MGST1: variants seen among roughly 807,000 people sequenced by gnomAD.
MGST1 encodes microsomal glutathione S-transferase 1, also known as glutathione S-transferase 12.
MGST1 carries 5 observed loss-of-function variants against 8.9 expected under a neutral mutation model. The observed-to-expected ratio is 0.56, with a 90% CI of 0.29 to 1.19. MGST1 has a LOEUF of 1.19. Ranked by LOEUF, MGST1 falls within the 50% of genes most tolerant of loss-of-function variation. The pLI, the probability that MGST1 is intolerant of heterozygous loss-of-function variation, is 0.08. For synonymous variants in MGST1, 54 were observed against 67.8 expected (o/e 0.80, Z 1.00); for missense variants, 182 against 187.4 (o/e 0.97, Z 0.17).
intron 4 of MGST1, among the ~76,000 whole-genome samples, chr12:16,540,075 T>G (rs1221686870): frequency 1.3e-5 from 2 of 152,162 alleles, no homozygotes; most frequent in Admixed American, 1.3e-4. Context: ...CTGACACTCT[T>G]AAAGTTGAGC....
intron 4 of MGST1, among the ~76,000 whole-genome samples, chr12:16,475,792 T>C (rs1239962373): frequency 6.6e-6 from 1 of 152,094 alleles, no homozygotes; most frequent in East Asian, 1.9e-4. Context: ...CCTTCCCAGG[T>C]GGCTGATGAA....
intron 4 of MGST1, among the ~76,000 whole-genome samples, chr12:16,563,567 T>A (rs1164799417): frequency 1.3e-5 from 2 of 152,190 alleles, no homozygotes; most frequent in East Asian, 3.9e-4. Flanking sequence ...TGAGTACTCA[T>A]AATCCTGATA....
intron 4 of MGST1, among the ~76,000 whole-genome samples, chr12:16,588,932 C>G (rs147548208): frequency 6.6e-6 from 1 of 152,008 alleles, no homozygotes; most frequent in African/African-American, 2.4e-5. Flanking sequence ...CAATGTGTAC[C>G]GCTCTTTCCC....
chr12:16,387,671 C>A (rs1161987301), intron 1 of MGST1, among the ~76,000 whole-genome samples: 1 of 151,950 alleles, frequency 6.6e-6, no homozygotes, highest in Non-Finnish European at 1.5e-5. Flanking sequence ...GGACTACAGG[C>A]GCCCACCACC....
rs12228417 is a variant in MGST1, at chr12:16,394,506, T to C, written n.778+10902T>C. Among the ~76,000 whole-genome samples, 434 of 55,622 alleles carry C rather than the reference T, an allele frequency of 7.8e-3. 12 individuals carry two copies. Among genetic ancestry groups the C allele is most frequent in the African/African-American group, 0.024 (377 of 15,700 alleles). The allele number at this position is 55,622 out of a possible 152,430, so 36.5% of individuals were successfully genotyped here. On this transcript the variant is annotated intron_variant and non_coding_transcript_variant, in intron 1 of 1. Coordinates refer to the MGST1 transcript ENST00000359720. ...TCTTCCTTTCTTTCTTTCTCTCTCT[T>C]TCTCTCCCTTTCTTTCTTTCTTTCT...
chr12:16,543,421 G>A (rs953063880), intron 4 of MGST1, among the ~76,000 whole-genome samples: 1 of 151,980 alleles, frequency 6.6e-6, no homozygotes, highest in Non-Finnish European at 1.5e-5. Context: ...TGCCTTGTTT[G>A]CTTGTTGAGT....
At position 16,410,658 on chromosome 12, in the gene MGST1, A is replaced by G. The variant is rs1940734689; in HGVS notation, n.779-26730A>G. 6.8e-6 allele frequency among the ~76,000 whole-genome samples: 1 copy of G among 148,144 alleles called. No homozygotes were observed. Among genetic ancestry groups the G allele is most frequent in the South Asian group, 2.1e-4 (1 of 4,810 alleles). On this transcript the variant is annotated intron_variant and non_coding_transcript_variant, in intron 1 of 1. Coordinates refer to the MGST1 transcript ENST00000359720. This position sits in a 1 kb window ranked among gnomAD's most constrained non-coding sequence, Gnocchi z 4.4. ...TATGTAATACATATATTATATATAA[A>G]CATACATAATCAAATATATAATATA... is the stretch of plus-strand genomic sequence containing the variant.
chr12:16,372,443 A>G (rs562543851), intron 3 of MGST1, among the ~76,000 whole-genome samples: 1 of 152,198 alleles, frequency 6.6e-6, no homozygotes, highest in Admixed American at 6.5e-5. Context: ...AACAGCACTA[A>G]TCATCAGGAA....
intron 1 of MGST1, among the ~76,000 whole-genome samples, chr12:16,429,013 G>A (rs1191698926): frequency 6.6e-6 from 1 of 151,584 alleles, no homozygotes; most frequent in Non-Finnish European, 1.5e-5. Flanking sequence ...GTACATTTTT[G>A]TTTTTTTGAA....
rs1177600240 is a variant in MGST1, at chr12:16,586,735, C to G, written n.483-2793C>G. On this transcript the variant is annotated intron_variant and non_coding_transcript_variant, in intron 4 of 4. Transcript: ENST00000538857. The surrounding 1 kb of genome is among the most constrained non-coding windows in gnomAD (Gnocchi z 4.3). Reference sequence around the variant, plus strand: ...CAGTAGATGATGTTTTTTTCCATTTCTCTGGTACTTGAGCTAAGCTCCTGT... The same window carrying G: ...CAGTAGATGATGTTTTTTTCCATTTGTCTGGTACTTGAGCTAAGCTCCTGT... Among the ~76,000 whole-genome samples, 3 of 152,138 alleles carry G rather than the reference C, an allele frequency of 2.0e-5. No individual in the cohort carries two copies. Among genetic ancestry groups the G allele is most frequent in the Admixed American group, 2.0e-4 (3 of 15,254 alleles).
chr12:16,375,034 C>G (rs1233871885), intron 3 of MGST1, among the ~76,000 whole-genome samples: 1 of 152,096 alleles, frequency 6.6e-6, no homozygotes, highest in Non-Finnish European at 1.5e-5. Flanking sequence ...GCATGCACCA[C>G]CATGCCTGGA....
downstream of MGST1, among the ~76,000 whole-genome samples, chr12:16,379,462 A>G (rs548444865): frequency 1.1e-3 from 160 of 152,188 alleles, no homozygotes; most frequent in African/African-American, 3.7e-3. Context: ...ATTGATTTGC[A>G]TATATTGAAC....
At position 16,422,969 on chromosome 12, in the gene MGST1, G is replaced by C. The variant is rs566484137; in HGVS notation, n.779-14419G>C. ...TGCAGGTCTCTGGAACTTCCTCTCT[G>C]TGTCACTCTCCAATCTCCAGTACTC... On this transcript the variant is annotated intron_variant and non_coding_transcript_variant, in intron 1 of 1. Transcript: ENST00000359720. Among the ~76,000 whole-genome samples the C allele has an allele frequency of 2.4e-3, 371 of 152,132 alleles. 2 individuals carry two copies. The highest frequency in any genetic ancestry group is 6.8e-3 in the Middle Eastern group (2 of 294).
rs902201230 is a variant in MGST1, at chr12:16,513,889, A to C, written n.483-75639A>C. The C allele has an allele frequency of 1.7e-6, 1 of 602,182 alleles. No homozygotes were observed. Among genetic ancestry groups the C allele is most frequent in the Middle Eastern group, 2.8e-4 (1 of 3,530 alleles). The allele number at this position is 602,182 out of a possible 1,614,324, so 37.3% of individuals were successfully genotyped here. A position where few individuals can be genotyped will look rare whatever the true frequency, so the allele number is the denominator to read the frequency against. On this transcript the variant is annotated intron_variant and non_coding_transcript_variant, in intron 4 of 4. Transcript: ENST00000538857. This position sits in a 1 kb window ranked among gnomAD's most constrained non-coding sequence, Gnocchi z 4.2. ...CTGGGGAAGTCGCACACCCATCTTC[A>C]GGGATACTGGCATGCAGCTACAAGG...
At chr12:16,578,556 G>T (rs147671139) in intron 4 of MGST1, among the ~76,000 whole-genome samples, 5 of 152,242 alleles carry the variant, frequency 3.3e-5, no homozygotes, top group African/African-American at 4.8e-5. Context: ...CGTGGCTCAT[G>T]CCTGTAATCC....
chr12:16,355,243 C>G (rs549268484), intron 2 of MGST1, among the ~76,000 whole-genome samples: 1 of 141,860 alleles, frequency 7.0e-6, no homozygotes, highest in South Asian at 2.3e-4. Context: ...GAGTCTCACT[C>G]TGTTGCCCAG....
chr12:16,416,819 C>A (rs1256810626), intron 1 of MGST1, among the ~76,000 whole-genome samples: 4 of 152,078 alleles, frequency 2.6e-5, no homozygotes, highest in Admixed American at 2.0e-4. Flanking sequence ...AAGATTGGAG[C>A]AATTTGGTTT....
At chr12:16,471,636 A>G (rs1246629148) in intron 4 of MGST1, among the ~76,000 whole-genome samples, 1 of 152,204 alleles carries the variant, frequency 6.6e-6, no homozygotes, top group African/African-American at 2.4e-5. Context: ...GCCCAGAAAA[A>G]AACATATTTA....
rs1224322248 is a variant in MGST1 at position 16,555,720 on chromosome 12, T to A, written n.483-33808T>A. Among the ~76,000 whole-genome samples the A allele has an allele frequency of 1.3e-5, 2 of 152,224 alleles. No individual in the cohort carries two copies. The highest frequency in any genetic ancestry group is 4.8e-5 in the African/African-American group (2 of 41,462). ...CCGCTTCTCTAATCTCTGAACATACTGAGCCGCTTTTCATTTCCTAAACAC... is the reference window on the plus strand; with the variant it reads ...CCGCTTCTCTAATCTCTGAACATACAGAGCCGCTTTTCATTTCCTAAACAC... On this transcript the variant is annotated intron_variant and non_coding_transcript_variant, in intron 4 of 4. Transcript: ENST00000538857. The surrounding 1 kb of genome is among the most constrained non-coding windows in gnomAD (Gnocchi z 5.5).
Sources: gnomAD v4.1 joint callset for allele counts (sites outside exome capture counted in the v4.1 genomes callset) on GRCh38, gnomAD v4.1.1 for gene constraint, Gnocchi (gnomAD v3.1) non-coding constraint, MANE v1.5 for transcripts, NCBI Gene and HGNC (gene_info 2026-07-23, HGNC 2026-07-21) for gene names.